Variants in ATP8A2 observed in about 807,000 individuals in gnomAD.
ATP8A2 encodes ATPase phospholipid transporting 8A2.
In ATP8A2, 100 loss-of-function variants were observed where a neutral mutation model predicts 165.6. The observed-to-expected ratio is 0.60, with a 90% CI of 0.51 to 0.71. The LOEUF (loss-of-function observed/expected upper bound fraction) is 0.71, where lower values mean the gene tolerates loss of function less well. ATP8A2 is among the 30% of genes least tolerant of loss of function. The probability of loss-of-function intolerance (pLI) is 0.00; values close to 1 mark genes in which losing one functional copy is unlikely to be tolerated. For missense variants in ATP8A2, 1,227 were observed against 1,479.5 expected (o/e 0.83, Z 2.80); for synonymous variants, 543 against 548.8 (o/e 0.99, Z 0.15).
intron 2 of ATP8A2, among the ~76,000 whole-genome samples, chr13:25,507,659 G>C (rs2037094191): frequency 6.6e-6 from 1 of 152,120 alleles, no homozygotes; most frequent in Non-Finnish European, 1.5e-5. Flanking sequence ...AATTCTGATT[G>C]CAGAAATTAA....
chr13:25,864,433 C>G (rs1952447418), intron 33 of ATP8A2, among the ~76,000 whole-genome samples: 1 of 152,108 alleles, frequency 6.6e-6, no homozygotes, highest in Admixed American at 6.5e-5. Context: ...GCAGAAGGAC[C>G]AGGCTGATCA....
chr13:25,647,841 A>T (rs2041714036), intron 24 of ATP8A2, among the ~76,000 whole-genome samples: 1 of 151,920 alleles, frequency 6.6e-6, no homozygotes. Context: ...GCCTGCCACC[A>T]TGCCCGGCTA....
At chr13:25,594,288 T>G (rs2040172883) in intron 24 of ATP8A2, among the ~76,000 whole-genome samples, 1 of 152,202 alleles carries the variant, frequency 6.6e-6, no homozygotes, top group Non-Finnish European at 1.5e-5. Flanking sequence ...GGACAAAAAG[T>G]GCTGAGTTAC....
chr13:25,587,821 AAG>A (rs1309061934), intron 23 of ATP8A2, among the ~76,000 whole-genome samples: 1 of 152,194 alleles, frequency 6.6e-6, no homozygotes, highest in East Asian at 1.9e-4. Flanking sequence ...ATGGGAAACA[AAG>A]AGTTTGATTA....
chr13:25,862,072 A>C (rs560013323), intron 32 of ATP8A2, among the ~76,000 whole-genome samples: 1 of 152,312 alleles, frequency 6.6e-6, no homozygotes, highest in African/African-American at 2.4e-5. Flanking sequence ...TGACAGCAAA[A>C]GCACCTTCAT....
intron 33 of ATP8A2, among the ~76,000 whole-genome samples, chr13:25,937,632 G>A (rs1222186881): frequency 2.7e-5 from 4 of 150,728 alleles, no homozygotes; most frequent in Non-Finnish European, 4.4e-5. Context: ...GGCGGATCAC[G>A]AGGTCAGGAA....
At chr13:25,863,186 C>T in intron 33 of ATP8A2, 1 of 152,504 alleles carries the variant, frequency 6.6e-6, no homozygotes, top group Middle Eastern at 3.4e-3. Context: ...CAAGAGGCTG[C>T]TGGGCCCTGT....
rs566355781 is a variant in ATP8A2 at position 25,852,484 on chromosome 13, G to A, written c.2957-7711G>A. On this transcript the variant is annotated intron_variant, in intron 30 of 36. Coordinates refer to ENST00000381655, the MANE Select transcript of ATP8A2 (RefSeq NM_016529.6). Reference sequence around the variant, plus strand: ...GTTCACTTTCTGTGCTTCCTTATGTGGTATAAAATTTCTGTCATATGAGTC... The same window carrying A: ...GTTCACTTTCTGTGCTTCCTTATGTAGTATAAAATTTCTGTCATATGAGTC... Among the ~76,000 whole-genome samples, 13 of 152,202 alleles carry A rather than the reference G, an allele frequency of 8.5e-5. No homozygotes were observed. The South Asian group carries it at 2.1e-3, about 24-fold the overall frequency.
At chr13:25,487,214 G>C (rs1333107197) in intron 2 of ATP8A2, among the ~76,000 whole-genome samples, 1 of 152,126 alleles carries the variant, frequency 6.6e-6, no homozygotes, top group Admixed American at 6.5e-5. Context: ...GTTCTCGTTC[G>C]TGGCATTTTT....
intron 24 of ATP8A2, among the ~76,000 whole-genome samples, chr13:25,683,231 G>A (rs943031075): frequency 2.0e-5 from 3 of 152,174 alleles, no homozygotes; most frequent in Non-Finnish European, 1.5e-5. Context: ...TAGACATTAA[G>A]CCTGTAGCAG....
At chr13:25,528,447 A>G (rs1393980864) in intron 2 of ATP8A2, among the ~76,000 whole-genome samples, 16 of 152,284 alleles carry the variant, frequency 1.1e-4, no homozygotes, top group East Asian at 9.7e-4. Flanking sequence ...AGATGGGACT[A>G]TTGGCAGTGG....
intron 24 of ATP8A2, among the ~76,000 whole-genome samples, chr13:25,624,902 C>T (rs1487145012): frequency 1.3e-5 from 2 of 152,142 alleles, no homozygotes; most frequent in Non-Finnish European, 2.9e-5. Context: ...ATGTGTGTTG[C>T]TTCTGATATA....
chr13:25,983,936 A>G (rs755380727), intron 35 of ATP8A2, among the ~76,000 whole-genome samples: 9 of 152,150 alleles, frequency 5.9e-5, no homozygotes, highest in Non-Finnish European at 1.3e-4. Context: ...CAGCTGATAT[A>G]AAAAGTTATC....
At chr13:25,843,929 G>A (rs1381555000) in intron 30 of ATP8A2, among the ~76,000 whole-genome samples, 1 of 152,172 alleles carries the variant, frequency 6.6e-6, no homozygotes, top group Non-Finnish European at 1.5e-5. Context: ...TTTTCTCAGG[G>A]CAGGGTTGGA....
At chr13:25,575,102 G>T (rs2039579476) in intron 19 of ATP8A2, among the ~76,000 whole-genome samples, 1 of 152,040 alleles carries the variant, frequency 6.6e-6, no homozygotes, top group African/African-American at 2.4e-5. Flanking sequence ...TTTTTCTTTA[G>T]ATTTCCAGAG....
At chr13:25,480,103 G>A (rs1376207874) in intron 2 of ATP8A2, among the ~76,000 whole-genome samples, 14 of 150,256 alleles carry the variant, frequency 9.3e-5, no homozygotes, top group Non-Finnish European at 1.9e-4. Flanking sequence ...CGGACGGGGC[G>A]GCTGGCCGGG....
rs113512127 is a variant in ATP8A2, at chr13:25,393,133, CT to C, written c.76+20859del. On this transcript the variant is annotated intron_variant, in intron 1 of 36. Transcript: ENST00000381655. ...TAGCCTTCTCAAATTTATTTACATACTTTTTTTTTTTTTTAAGACAGAGGCT... is the reference window on the plus strand; with the variant it reads ...TAGCCTTCTCAAATTTATTTACATACTTTTTTTTTTTTTAAGACAGAGGCT... Among the ~76,000 whole-genome samples the C allele has an allele frequency of 8.5e-3, 1,172 of 138,382 alleles. 8 individuals are homozygous for C. The highest frequency in any genetic ancestry group is 0.011 in the Non-Finnish European group (710 of 64,952). 90.8% of individuals were successfully genotyped at this position (138,382 alleles called of 152,430 possible). A position where few individuals can be genotyped will look rare whatever the true frequency, so the allele number is the denominator to read the frequency against.
rs368077775 is a variant in ATP8A2 at position 25,657,799 on chromosome 13, G to A, written c.2212-41374G>A. ...GTCATTCAGGAAATACCTACTGTGT[G>A]CGTTAACACGTAATTTAGTACATAT... On this transcript the variant is annotated intron_variant, in intron 24 of 36. Transcript: ENST00000381655. Among the ~76,000 whole-genome samples, 6 of 152,362 alleles carry A rather than the reference G, an allele frequency of 3.9e-5. No individual in the cohort carries two copies. The South Asian group carries it at 1.2e-3, about 32-fold the overall frequency.
chr13:25,702,302 A>G (rs983063236), intron 25 of ATP8A2, among the ~76,000 whole-genome samples: 11 of 152,362 alleles, frequency 7.2e-5, no homozygotes, highest in Admixed American at 2.0e-4. Flanking sequence ...ATACCTTTAA[A>G]CTAAAACAGT....
Sources: allele counts gnomAD v4.1 joint callset (sites outside exome capture counted in the v4.1 genomes callset), GRCh38; gene constraint gnomAD v4.1.1; transcripts MANE v1.5; gene names NCBI Gene and HGNC (gene_info 2026-07-23, HGNC 2026-07-21).